The following UPP2 variants were observed in gnomAD, a reference collection of about 807,000 sequenced individuals.
UPP2 encodes the protein uridine phosphorylase 2, also known as UPase 2.
UPP2 carries 23 observed loss-of-function variants against 26.7 expected under a neutral mutation model. The observed-to-expected ratio is 0.86, with a 90% CI of 0.62 to 1.22. The LOEUF (loss-of-function observed/expected upper bound fraction) is 1.22, where lower values mean the gene tolerates loss of function less well. Ranked by LOEUF, UPP2 falls within the 50% of genes most tolerant of loss-of-function variation. The probability of loss-of-function intolerance (pLI) is 0.00; values close to 1 mark genes in which losing one functional copy is unlikely to be tolerated. For missense variants in UPP2, 387 were observed against 396.7 expected (o/e 0.98, Z 0.21); for synonymous variants, 127 against 141.3 (o/e 0.90, Z 0.72).
chr2:158,128,369 C>T (rs1434218866), intron 6 of UPP2, among the ~76,000 whole-genome samples: 3 of 152,150 alleles, frequency 2.0e-5, no homozygotes, highest in Admixed American at 2.0e-4. Flanking sequence ...CTGAGAACTG[C>T]ATGAGGATCA....
chr2:158,097,435 G>A (rs1021948073), upstream of UPP2, among the ~76,000 whole-genome samples: 10 of 151,834 alleles, frequency 6.6e-5, no homozygotes, highest in East Asian at 1.9e-4. Context: ...AATAAATTTC[G>A]TCAATCAAGA....
chr2:158,004,170 A>T (rs773826951), intron 2 of UPP2, among the ~76,000 whole-genome samples: 1 of 152,214 alleles, frequency 6.6e-6, no homozygotes, highest in Non-Finnish European at 1.5e-5. Context: ...AAATATTTTC[A>T]TAACTGTACA....
chr2:158,132,540 T>C (rs1683840999), intron 6 of UPP2, among the ~76,000 whole-genome samples: 2 of 152,210 alleles, frequency 1.3e-5, no homozygotes, highest in Admixed American at 1.3e-4. Context: ...CATAAATGCT[T>C]GGCATGTAGC....
At position 157,999,471 on chromosome 2, in the gene UPP2, C is replaced by A. The variant is rs187176490; in HGVS notation, c.61+4212C>A. ...GGGATTACAAGTGTGAGACACCTCA[C>A]CCAGCCTATTTGGGTCTCTTTTATG... is the stretch of plus-strand genomic sequence containing the variant. On this transcript the variant is annotated intron_variant, in intron 2 of 9. Coordinates refer to the UPP2 transcript ENST00000605860. Among the ~76,000 whole-genome samples the A allele has an allele frequency of 8.6e-4, 131 of 152,350 alleles. No homozygotes were observed. The East Asian group carries it at 0.015, about 17-fold the overall frequency.
rs528592609 is a variant in UPP2, at chr2:158,014,307, G to A, written c.62-1494G>A. On this transcript the variant is annotated intron_variant, in intron 2 of 9. Coordinates refer to the UPP2 transcript ENST00000605860. ...AAGTTAAGCAGGGGAGCTCATCAGC[G>A]GCTGATTGCCTCTCCTAGAACAACC... 6.6e-5 allele frequency among the ~76,000 whole-genome samples: 10 copies of A among 152,284 alleles called. No homozygotes were observed. The East Asian group carries it at 7.7e-4, about 12-fold the overall frequency.
chr2:158,092,005 G>A (rs972322532), intron 3 of UPP2, among the ~76,000 whole-genome samples: 1 of 152,160 alleles, frequency 6.6e-6, no homozygotes, highest in African/African-American at 2.4e-5. Flanking sequence ...ACTAACCACA[G>A]ATAGGTTAAG....
chr2:158,023,230 TG>T lies in UPP2; in HGVS notation c.147+7353del, dbSNP rs143578289. 1.6e-4 allele frequency among the ~76,000 whole-genome samples: 13 copies of T among 83,820 alleles called. 1 individual carries two copies. Among genetic ancestry groups the T allele is most frequent in the African/African-American group, 3.1e-4 (8 of 25,580 alleles). 55.0% of individuals were successfully genotyped at this position (83,820 alleles called of 152,430 possible). A position where few individuals can be genotyped will look rare whatever the true frequency, so the allele number is the denominator to read the frequency against. On this transcript the variant is annotated intron_variant, in intron 3 of 9. Coordinates refer to the UPP2 transcript ENST00000605860. The stretch of plus-strand genomic sequence containing the variant: ...ATGAGGTCATGGGGTTGCTGTCAGT[TG>T]GGGGGGGGCATTTGGAAGGCTTTCA...
chr2:158,060,093 T>G (rs1405531938), intron 3 of UPP2, among the ~76,000 whole-genome samples: 5 of 152,120 alleles, frequency 3.3e-5, no homozygotes, highest in African/African-American at 1.2e-4. Context: ...CGTGCATGCA[T>G]GTGTGTACAC....
rs1264187622 is a variant in UPP2, at chr2:158,117,806, T to C, written c.340-18T>C. ...TCACTTTGCAAGATGTATGATGACT[T>C]TCTCTTTCTCTCAATAGCACGGCAT... On this transcript the variant is annotated intron_variant, in intron 3 of 6. Coordinates refer to ENST00000005756, the MANE Select transcript of UPP2 (RefSeq NM_173355.4). The C allele has an allele frequency of 1.0e-5, 16 of 1,576,340 alleles. No individual in the cohort carries two copies. The highest frequency in any genetic ancestry group is 1.2e-5 in the Non-Finnish European group (14 of 1,146,228).
At chr2:158,120,761 T>C (rs145250229) in intron 4 of UPP2, among the ~76,000 whole-genome samples, 1 of 152,130 alleles carries the variant, frequency 6.6e-6, no homozygotes, top group East Asian at 1.9e-4. Context: ...TCAGACCTTT[T>C]TCAGGAAGTA....
At chr2:158,061,766 G>T (rs1179572716) in intron 3 of UPP2, among the ~76,000 whole-genome samples, 2 of 152,236 alleles carry the variant, frequency 1.3e-5, no homozygotes, top group Non-Finnish European at 2.9e-5. Context: ...TCGAAGCTGT[G>T]TGCAGGTTTG....
At chr2:158,018,587 G>T (rs116229945) in intron 3 of UPP2, among the ~76,000 whole-genome samples, 3,745 of 152,304 alleles carry the variant, frequency 0.025, 140 homozygotes, top group African/African-American at 0.085. Context: ...TTCCCAGGTG[G>T]CAGTGGGGGA....
At position 158,013,482 on chromosome 2, in the gene UPP2, G is replaced by C. The variant is rs563536704; in HGVS notation, c.62-2319G>C. 3.9e-5 allele frequency among the ~76,000 whole-genome samples: 6 copies of C among 152,342 alleles called. No homozygotes were observed. The South Asian group carries it at 1.2e-3, about 32-fold the overall frequency. ...GGTATTTAATTCTAGATGTGGAAAG[G>C]CTTGGGGAAGAGGGGATTAGTAAGA... On this transcript the variant is annotated intron_variant, in intron 2 of 9. Coordinates refer to the UPP2 transcript ENST00000605860.
At chr2:158,097,467 A>G (rs1019929619), upstream of UPP2, among the ~76,000 whole-genome samples, 3 of 152,178 alleles carry the variant, frequency 2.0e-5, no homozygotes, top group Non-Finnish European at 2.9e-5. Context: ...GGCAAATTTC[A>G]ACTTTATAAA....
At chr2:157,999,243 A>G (rs1683368455) in intron 2 of UPP2, among the ~76,000 whole-genome samples, 1 of 152,020 alleles carries the variant, frequency 6.6e-6, no homozygotes, top group African/African-American at 2.4e-5. Flanking sequence ...CAATGGTGTG[A>G]TCTTAGCTCA....
intron 2 of UPP2, among the ~76,000 whole-genome samples, chr2:158,113,506 A>G (rs555860782): frequency 6.6e-6 from 1 of 152,320 alleles, no homozygotes; most frequent in Admixed American, 6.5e-5. Context: ...CATCAGAGAA[A>G]CTCATAAGAA....
chr2:158,089,729 G>A (rs781221267), intron 3 of UPP2, among the ~76,000 whole-genome samples: 4 of 152,164 alleles, frequency 2.6e-5, no homozygotes, highest in African/African-American at 9.7e-5. Context: ...ATTCATCTCA[G>A]CTCCAGGTAA....
intron 3 of UPP2, among the ~76,000 whole-genome samples, chr2:158,037,140 T>C (rs945868986): frequency 8.6e-5 from 13 of 152,032 alleles, no homozygotes; most frequent in Non-Finnish European, 1.6e-4. Context: ...TTTGGGAGGC[T>C]AAGGTGGGTG....
At chr2:158,087,546 C>T (rs1260376910) in intron 3 of UPP2, among the ~76,000 whole-genome samples, 1 of 151,938 alleles carries the variant, frequency 6.6e-6, no homozygotes, top group Non-Finnish European at 1.5e-5. Flanking sequence ...TGCCTGAATA[C>T]CTTTTTTTGT....
Sources: allele counts gnomAD v4.1 joint callset (sites outside exome capture counted in the v4.1 genomes callset), GRCh38; gene constraint gnomAD v4.1.1; transcripts MANE v1.5; gene names NCBI Gene and HGNC (gene_info 2026-07-23, HGNC 2026-07-21).